MSRA: variants seen among roughly 807,000 people sequenced by gnomAD.
MSRA encodes methionine sulfoxide reductase A.
Under a neutral mutation model 31.3 loss-of-function variants are expected in MSRA, and 54 were observed. The ratio of observed to expected loss-of-function variants is 1.73; its 90% CI spans 1.39 to 2.17. MSRA has a LOEUF of 2.17. MSRA is among the 30% of genes most tolerant of loss of function. The pLI, the probability that MSRA is intolerant of heterozygous loss-of-function variation, is 0.00. For missense variants in MSRA, 507 were observed against 300.9 expected (o/e 1.69, Z -5.07); for synonymous variants, 169 against 116.5 (o/e 1.45, Z -2.90).
chr8:10,206,615 G>T (rs1319969602), intron 1 of MSRA, among the ~76,000 whole-genome samples: 2 of 152,198 alleles, frequency 1.3e-5, no homozygotes, highest in African/African-American at 4.8e-5. Flanking sequence ...TTGTTCTCTG[G>T]CCCGGGAAGA....
At chr8:10,235,754 T>C (rs1376001618) in intron 2 of MSRA, among the ~76,000 whole-genome samples, 2 of 152,196 alleles carry the variant, frequency 1.3e-5, no homozygotes, top group East Asian at 1.9e-4. Flanking sequence ...TAATTTTTTT[T>C]CTAATGCGGT....
intron 3 of MSRA, among the ~76,000 whole-genome samples, chr8:10,247,692 T>C (rs1342351146): frequency 6.6e-6 from 1 of 152,164 alleles, no homozygotes; most frequent in African/African-American, 2.4e-5. Flanking sequence ...ATGGTTGTCA[T>C]GGAAACTTGT....
chr8:10,428,827 A>G lies in MSRA; in HGVS notation c.*515A>G, dbSNP rs1227770581. On this transcript the variant is annotated 3_prime_UTR_variant, in exon 6 of 6. Transcript: ENST00000317173. ...GATGTGAGTCCGCTTGATGAATTCT[A>G]ATGCTTTGCTTAGAGCTATGAGAAA... The G allele has an allele frequency of 1.3e-5, 2 of 158,430 alleles. No individual in the cohort carries two copies. Among genetic ancestry groups the G allele is most frequent in the South Asian group, 1.9e-4 (1 of 5,192 alleles). 9.8% of individuals were successfully genotyped at this position (158,430 alleles called of 1,614,324 possible). A position where few individuals can be genotyped will look rare whatever the true frequency, so the allele number is the denominator to read the frequency against.
chr8:10,196,640 C>G (rs567949964), intron 1 of MSRA, among the ~76,000 whole-genome samples: 40 of 152,282 alleles, frequency 2.6e-4, no homozygotes, highest in African/African-American at 9.4e-4. Flanking sequence ...ACCTCTGCCT[C>G]CTGGCTTTAA....
At chr8:10,409,727 G>A (rs1353814947) in intron 5 of MSRA, among the ~76,000 whole-genome samples, 2 of 152,226 alleles carry the variant, frequency 1.3e-5, no homozygotes, top group African/African-American at 4.8e-5. Context: ...CAGAAACACA[G>A]GACTTTCACT....
chr8:10,155,805 G>A (rs1477740304), intron 1 of MSRA, among the ~76,000 whole-genome samples: 3 of 152,120 alleles, frequency 2.0e-5, no homozygotes, highest in Non-Finnish European at 4.4e-5. Context: ...GGAGCAGGGA[G>A]GGGAAAGCTC....
chr8:10,239,321 C>G (rs1585245589), intron 2 of MSRA, among the ~76,000 whole-genome samples: 1 of 152,112 alleles, frequency 6.6e-6, no homozygotes, highest in Non-Finnish European at 1.5e-5. Context: ...ACCACCATGC[C>G]CAGCTAATTT....
At chr8:10,135,819 C>T (rs1348600073) in intron 1 of MSRA, among the ~76,000 whole-genome samples, 1 of 152,210 alleles carries the variant, frequency 6.6e-6, no homozygotes, top group Non-Finnish European at 1.5e-5. Flanking sequence ...TTTGTTGAGA[C>T]ATCCCCAAAG....
intron 3 of MSRA, among the ~76,000 whole-genome samples, chr8:10,296,912 C>G (rs1200635878): frequency 6.6e-6 from 1 of 152,220 alleles, no homozygotes; most frequent in Non-Finnish European, 1.5e-5. Context: ...CACCGGCTCT[C>G]TCTTCTGTTC....
intron 5 of MSRA, among the ~76,000 whole-genome samples, chr8:10,390,679 G>A (rs555811094): frequency 3.2e-4 from 48 of 152,270 alleles, no homozygotes; most frequent in African/African-American, 1.1e-3. Context: ...GATCACAGGT[G>A]CCGCATTGTT....
intron 3 of MSRA, among the ~76,000 whole-genome samples, chr8:10,298,127 T>C (rs966091685): frequency 1.2e-4 from 18 of 152,230 alleles, no homozygotes; most frequent in African/African-American, 3.9e-4. Flanking sequence ...ATCTGTTTAA[T>C]GGGGACCATA....
At chr8:10,348,947 C>G (rs1803959844) in intron 5 of MSRA, among the ~76,000 whole-genome samples, 1 of 152,076 alleles carries the variant, frequency 6.6e-6, no homozygotes, top group African/African-American at 2.4e-5. Context: ...AGCCTGCCAG[C>G]TTGGTATTTT....
chr8:10,345,409 G>A (rs1803706968), intron 5 of MSRA, among the ~76,000 whole-genome samples: 1 of 152,260 alleles, frequency 6.6e-6, no homozygotes, highest in South Asian at 2.1e-4. Context: ...TGTGATCATA[G>A]GATTCACATT....
At chr8:10,149,558 C>G (rs1341564922) in intron 1 of MSRA, among the ~76,000 whole-genome samples, 2 of 152,136 alleles carry the variant, frequency 1.3e-5, no homozygotes, top group Non-Finnish European at 2.9e-5. Flanking sequence ...CCAATTTCCC[C>G]TTTTTGCAGA....
intron 3 of MSRA, among the ~76,000 whole-genome samples, chr8:10,256,077 T>C (rs1798162481): frequency 6.6e-6 from 1 of 152,134 alleles, no homozygotes; most frequent in South Asian, 2.1e-4. Context: ...CATGAAGTTA[T>C]TGTACAGAGT....
In MSRA at chr8:10,424,595, A is replaced by G. The variant is rs552004955; in HGVS notation, c.544-3553A>G. ...GGAGAAGGGCCTGGGGTGGAGAGGG[A>G]CAGGGAGAAGGGGCCAGGGTGGAGT... is the stretch of plus-strand genomic sequence containing the variant. On this transcript the variant is annotated intron_variant, in intron 5 of 5. Transcript: ENST00000317173. 1.1e-4 allele frequency among the ~76,000 whole-genome samples: 16 copies of G among 148,456 alleles called. No individual in the cohort carries two copies. In the East Asian group the frequency reaches 3.3e-3, roughly 30 times the overall value.
intron 3 of MSRA, among the ~76,000 whole-genome samples, chr8:10,294,271 C>G (rs773101790): frequency 6.6e-6 from 1 of 152,142 alleles, no homozygotes; most frequent in African/African-American, 2.4e-5. Context: ...GATTCCCTGA[C>G]CAAGGACATT....
intron 1 of MSRA, among the ~76,000 whole-genome samples, chr8:10,192,490 C>G (rs1207561393): frequency 1.3e-5 from 2 of 152,170 alleles, no homozygotes; most frequent in African/African-American, 4.8e-5. Context: ...GAAATTAGAC[C>G]ACTTAACTTA....
At chr8:10,342,688 C>A (rs1005030404) in intron 5 of MSRA, among the ~76,000 whole-genome samples, 14 of 152,196 alleles carry the variant, frequency 9.2e-5, no homozygotes, top group Non-Finnish European at 1.6e-4. Context: ...CCTGGCCTTA[C>A]AGACGAGGAA....
Sources: allele counts gnomAD v4.1 joint callset (sites outside exome capture counted in the v4.1 genomes callset), GRCh38; gene constraint gnomAD v4.1.1; transcripts MANE v1.5; gene names NCBI Gene and HGNC (gene_info 2026-07-23, HGNC 2026-07-21).